Variants in CACNA1C observed in about 807,000 individuals in gnomAD.
The protein encoded by CACNA1C is calcium voltage-gated channel subunit alpha1 C.
In CACNA1C, 30 loss-of-function variants were observed where a neutral mutation model predicts 229.0. The observed-to-expected ratio is 0.13, with a 90% CI of 0.10 to 0.18. The LOEUF is 0.18. Ranked by LOEUF, CACNA1C falls within the 10% of genes least tolerant of loss-of-function variation. The pLI, the probability that CACNA1C is intolerant of heterozygous loss-of-function variation, is 1.00. For missense variants in CACNA1C, 1,658 were observed against 2,845.0 expected, an observed-to-expected ratio of 0.58 and a Z score of 9.49; for synonymous variants, 1,114 against 1,132.5, an observed-to-expected ratio of 0.98 and a Z score of 0.33.
rs1338676442 is a variant in CACNA1C at position 2,108,080 on chromosome 12, C to G, written c.50-7144C>G. The stretch of plus-strand genomic sequence containing the variant: ...GGTAGCAAGGGCTCCGTAATCCAGC[C>G]TAGGATTATAGAGCATTTCTATTAC... On this transcript the variant is annotated intron_variant, in intron 1 of 46. Coordinates refer to ENST00000399655, the MANE Select transcript of CACNA1C (RefSeq NM_000719.7). The surrounding 1 kb of genome is among the most constrained non-coding windows in gnomAD (Gnocchi z 5.3). Among the ~76,000 whole-genome samples the G allele has an allele frequency of 6.6e-6, 1 of 152,160 alleles. No homozygotes were observed. Among genetic ancestry groups the G allele is most frequent in the Non-Finnish European group, 1.5e-5 (1 of 68,026 alleles).
intron 30 of CACNA1C, among the ~76,000 whole-genome samples, chr12:2,640,671 G>T (rs1286353531): frequency 1.3e-5 from 2 of 152,148 alleles, no homozygotes; most frequent in African/African-American, 4.8e-5. Context: ...CAGCATGTCG[G>T]GATACTGGTC....
intron 1 of CACNA1C, among the ~76,000 whole-genome samples, chr12:2,002,806 G>T (rs1326726639): frequency 6.6e-6 from 1 of 152,136 alleles, no homozygotes; most frequent in Non-Finnish European, 1.5e-5. Flanking sequence ...ATAGCCATAT[G>T]TAGAATATCT....
chr12:2,649,338 G>A lies in CACNA1C; in HGVS notation c.3945+831G>A, dbSNP rs1603311979. Among the ~76,000 whole-genome samples the A allele has an allele frequency of 1.3e-5, 2 of 152,304 alleles. No individual in the cohort carries two copies. The highest frequency in any genetic ancestry group is 6.8e-3 in the Middle Eastern group (2 of 294). On this transcript the variant is annotated intron_variant, in intron 31 of 46. Coordinates refer to ENST00000399655, the MANE Select transcript of CACNA1C (RefSeq NM_000719.7). This position sits in a 1 kb window ranked among gnomAD's most constrained non-coding sequence, Gnocchi z 4.4. The stretch of plus-strand genomic sequence containing the variant: ...GTATGAGTTTTTAGAAGGACCAGTG[G>A]GGTTGATTGACCAAGCCACCAAGTC...
At chr12:2,263,694 G>A (rs369789301) in intron 3 of CACNA1C, among the ~76,000 whole-genome samples, 5 of 152,072 alleles carry the variant, frequency 3.3e-5, no homozygotes, top group Non-Finnish European at 5.9e-5. Flanking sequence ...CTAACAGACC[G>A]GACATGAGGT....
intron 3 of CACNA1C, among the ~76,000 whole-genome samples, chr12:2,424,712 A>G (rs1219522869): frequency 6.6e-6 from 1 of 152,168 alleles, no homozygotes. Flanking sequence ...CCCTCTCCCA[A>G]TTCCATTGTG....
At chr12:1,983,051 A>G (rs1176528207) in intron 1 of CACNA1C, among the ~76,000 whole-genome samples, 1 of 151,594 alleles carries the variant, frequency 6.6e-6, no homozygotes, top group Non-Finnish European at 1.5e-5. Flanking sequence ...GCTGAATTAT[A>G]GTACTCCCTT....
intron 3 of CACNA1C, among the ~76,000 whole-genome samples, chr12:2,444,822 A>G (rs1076344): frequency 0.19 from 28,838 of 151,916 alleles, 2,900 homozygotes; most frequent in Middle Eastern, 0.23. Flanking sequence ...ATCCACCTAC[A>G]TCTCACCAAT....
At chr12:2,164,865 G>A (rs1597824563) in intron 3 of CACNA1C, among the ~76,000 whole-genome samples, 1 of 152,208 alleles carries the variant, frequency 6.6e-6, no homozygotes, top group East Asian at 1.9e-4. Context: ...CACAGTGTCA[G>A]AGCTCACTCA....
At position 2,608,852 on chromosome 12, in the gene CACNA1C, C is replaced by T. The variant is rs2076408994; in HGVS notation, c.3558+140C>T. ...CTCTCTATTCCTCAACCAGAGTGGGCTGTCAGTCTTTTTGAGGGACCTGTG... is the reference window on the plus strand; with the variant it reads ...CTCTCTATTCCTCAACCAGAGTGGGTTGTCAGTCTTTTTGAGGGACCTGTG... On this transcript the variant is annotated intron_variant, in intron 27 of 46. Coordinates refer to ENST00000399655, the MANE Select transcript of CACNA1C (RefSeq NM_000719.7). This position sits in a 1 kb window ranked among gnomAD's most constrained non-coding sequence, Gnocchi z 4.2. 2 of 812,076 alleles carry T rather than the reference C, an allele frequency of 2.5e-6. No individual in the cohort carries two copies. The highest frequency in any genetic ancestry group is 3.9e-6 in the Non-Finnish European group (2 of 518,178). The allele number at this position is 812,076 out of a possible 1,614,324, so 50.3% of individuals were successfully genotyped here. A position where few individuals can be genotyped will look rare whatever the true frequency, so the allele number is the denominator to read the frequency against.
At chr12:2,648,562 C>T in intron 31 of CACNA1C, 55 bp downstream of exon 31, 1 of 1,509,256 alleles carries the variant, frequency 6.6e-7, no homozygotes, top group Non-Finnish European at 9.2e-7. Context: ...CTCTAACACC[C>T]CCACTCTCCC....
At chr12:2,265,045 A>C (rs1409142830) in intron 3 of CACNA1C, among the ~76,000 whole-genome samples, 2 of 152,178 alleles carry the variant, frequency 1.3e-5, no homozygotes, top group African/African-American at 4.8e-5. Flanking sequence ...CGCCTGCCTG[A>C]TGAGCTGAGG....
upstream of CACNA1C, among the ~76,000 whole-genome samples, chr12:2,052,733 G>A (rs2052590818): frequency 6.9e-6 from 1 of 145,760 alleles, no homozygotes; most frequent in Admixed American, 6.8e-5. Flanking sequence ...TTGACGTCAT[G>A]CGGGCGGAGG....
chr12:2,564,118 A>C (rs541807984), intron 11 of CACNA1C, among the ~76,000 whole-genome samples: 2 of 152,336 alleles, frequency 1.3e-5, no homozygotes, highest in East Asian at 3.9e-4. Flanking sequence ...CGGTTTTCAC[A>C]TCCAGACTTA....
intron 3 of CACNA1C, among the ~76,000 whole-genome samples, chr12:2,388,827 C>G (rs112814552): frequency 1.4e-4 from 21 of 152,278 alleles, no homozygotes; most frequent in Middle Eastern, 3.4e-3. Context: ...TGCAGTTGAT[C>G]AGTTCATGGT....
At position 2,677,527 on chromosome 12, in the gene CACNA1C, A is replaced by C; in HGVS notation, c.4957-206A>C. ...TGGTGCCCCGTCCTAATGAGCCTTCATCCCTCCTGGATGGGCGAGTGGATT... is the reference window on the plus strand; with the variant it reads ...TGGTGCCCCGTCCTAATGAGCCTTCCTCCCTCCTGGATGGGCGAGTGGATT... On this transcript the variant is annotated intron_variant, in intron 40 of 46. Coordinates refer to ENST00000399655, the MANE Select transcript of CACNA1C (RefSeq NM_000719.7). This position sits in a 1 kb window ranked among gnomAD's most constrained non-coding sequence, Gnocchi z 7.4. 3.1e-6 allele frequency: 2 copies of C among 643,728 alleles called. No homozygotes were observed. The highest frequency in any genetic ancestry group is 5.3e-6 in the Non-Finnish European group (2 of 374,886). 39.9% of individuals were successfully genotyped at this position (643,728 alleles called of 1,614,324 possible). A position where few individuals can be genotyped will look rare whatever the true frequency, so the allele number is the denominator to read the frequency against.
intron 1 of CACNA1C, among the ~76,000 whole-genome samples, chr12:2,001,143 T>A (rs1267141584): frequency 6.6e-6 from 1 of 152,158 alleles, no homozygotes; most frequent in Non-Finnish European, 1.5e-5. Flanking sequence ...TTTGAAAATA[T>A]ACATTTCTGT....
intron 3 of CACNA1C, among the ~76,000 whole-genome samples, chr12:2,122,426 A>C (rs893531143): frequency 1.3e-5 from 2 of 152,190 alleles, no homozygotes; most frequent in Non-Finnish European, 2.9e-5. Context: ...GGGGGGTGGC[A>C]TCAGAAAACC....
intron 3 of CACNA1C, among the ~76,000 whole-genome samples, chr12:2,241,120 G>A (rs1275780579): frequency 1.3e-5 from 2 of 152,072 alleles, no homozygotes; most frequent in Non-Finnish European, 2.9e-5. Flanking sequence ...GAGGCTCCTG[G>A]CAGCTTTATT....
At chr12:2,384,840 T>A (rs565921192) in intron 3 of CACNA1C, among the ~76,000 whole-genome samples, 1 of 152,334 alleles carries the variant, frequency 6.6e-6, no homozygotes, top group East Asian at 1.9e-4. Flanking sequence ...AGCCCACTCC[T>A]TGGCTTAGCA....
Sources: allele counts gnomAD v4.1 joint callset (sites outside exome capture counted in the v4.1 genomes callset), GRCh38; gene constraint gnomAD v4.1.1; non-coding constraint Gnocchi (gnomAD v3.1); transcripts MANE v1.5; gene names NCBI Gene and HGNC (gene_info 2026-07-23, HGNC 2026-07-21).